Variants in AVEN observed in about 807,000 individuals in gnomAD.
AVEN encodes the protein apoptosis and caspase activation inhibitor.
AVEN carries 41 observed loss-of-function variants against 38.1 expected under a neutral mutation model. That is an observed-to-expected ratio of 1.08 (90% CI 0.84 to 1.40). AVEN has a LOEUF of 1.40. Among genes scored for constraint, AVEN ranks in the 40% most tolerant of loss-of-function variants. The pLI is 0.00. For missense variants in AVEN, 605 were observed against 438.8 expected (o/e 1.38, Z -3.38); for synonymous variants, 206 against 171.8 (o/e 1.20, Z -1.56).
downstream of AVEN, among the ~76,000 whole-genome samples, chr15:33,863,735 C>G (rs1458247477): frequency 1.3e-5 from 2 of 152,200 alleles, no homozygotes; most frequent in Non-Finnish European, 2.9e-5. Context: ...TCTTGAGACA[C>G]ACACATAATT....
At chr15:33,862,171 C>A (rs755920643), downstream of AVEN, among the ~76,000 whole-genome samples, 5 of 151,682 alleles carry the variant, frequency 3.3e-5, no homozygotes, top group Non-Finnish European at 7.4e-5. Context: ...TGCTCCCCAG[C>A]CTAGCTCTTC....
chr15:34,036,509 C>T (rs948773448), intron 1 of AVEN, among the ~76,000 whole-genome samples: 1 of 152,104 alleles, frequency 6.6e-6, no homozygotes, highest in Admixed American at 6.6e-5. Context: ...AACAAGAAGG[C>T]TTCAGGAAAG....
intron 1 of AVEN, among the ~76,000 whole-genome samples, chr15:34,036,718 C>A (rs1597377084): frequency 6.6e-6 from 1 of 152,308 alleles, no homozygotes; most frequent in East Asian, 1.9e-4. Flanking sequence ...ATAAGACCAA[C>A]TCGACAAAAG....
chr15:34,058,397 C>A (rs905336715), intron 5 of AVEN, among the ~76,000 whole-genome samples: 29 of 152,026 alleles, frequency 1.9e-4, no homozygotes, highest in Admixed American at 1.8e-3. Flanking sequence ...GAATAAAAAT[C>A]AAAATGGAGC....
chr15:33,944,106 T>A (rs1303529023), intron 2 of AVEN, among the ~76,000 whole-genome samples: 1 of 152,140 alleles, frequency 6.6e-6, no homozygotes, highest in Non-Finnish European at 1.5e-5. Context: ...GATAGTACTA[T>A]ATTTTCCCAA....
At chr15:33,862,905 T>C (rs1597129403), downstream of AVEN, among the ~76,000 whole-genome samples, 1 of 152,210 alleles carries the variant, frequency 6.6e-6, no homozygotes, top group African/African-American at 2.4e-5. Context: ...GCGTGAGCCA[T>C]CACACCCGGC....
the AVEN span, chr15:33,852,955 C>T: frequency 8.9e-7 from 1 of 1,121,904 alleles, no homozygotes; most frequent in Non-Finnish European, 1.3e-6. Context: ...AGAAAGATCC[C>T]AGATCCAGGC....
At chr15:34,059,882 C>T (rs1418610412) in intron 5 of AVEN, among the ~76,000 whole-genome samples, 2 of 152,194 alleles carry the variant, frequency 1.3e-5, no homozygotes, top group Non-Finnish European at 2.9e-5. Flanking sequence ...TTTACATTCC[C>T]AACTAGTGTC....
At chr15:33,916,836 A>C (rs941382926) in intron 2 of AVEN, among the ~76,000 whole-genome samples, 9 of 152,132 alleles carry the variant, frequency 5.9e-5, no homozygotes, top group Non-Finnish European at 1.2e-4. Flanking sequence ...AAGAGGTTTA[A>C]TTGACTCACA....
At position 34,017,483 on chromosome 15, in the gene AVEN, T is replaced by G. The variant is rs11072872; in HGVS notation, c.268-14274A>C. ...AGTGATTTCAGTATGATTTTTTTTTTGTTTTTTTTTTTTTTTTGAGACAGG... is the reference window on the plus strand; with the variant it reads ...AGTGATTTCAGTATGATTTTTTTTTGGTTTTTTTTTTTTTTTTGAGACAGG... On this transcript the variant is annotated intron_variant, in intron 1 of 5. Transcript: ENST00000306730. 5.5e-3 allele frequency among the ~76,000 whole-genome samples: 248 copies of G among 44,900 alleles called. 4 individuals carry two copies. Among genetic ancestry groups the G allele is most frequent in the East Asian group, 0.01 (8 of 790 alleles). 29.5% of individuals were successfully genotyped at this position (44,900 alleles called of 152,430 possible).
At chr15:33,968,513 C>G (rs1159004556) in intron 2 of AVEN, among the ~76,000 whole-genome samples, 2 of 152,228 alleles carry the variant, frequency 1.3e-5, no homozygotes, top group South Asian at 4.1e-4. Flanking sequence ...GCCAAGTACG[C>G]TCACCGTCCA....
At chr15:34,036,412 A>G (rs1899127247) in intron 1 of AVEN, among the ~76,000 whole-genome samples, 2 of 152,184 alleles carry the variant, frequency 1.3e-5, no homozygotes. Context: ...TGGTCTTTAC[A>G]TGGCTAGGAG....
intron 1 of AVEN, among the ~76,000 whole-genome samples, chr15:34,030,836 T>C (rs1209070877): frequency 6.6e-6 from 1 of 151,998 alleles, no homozygotes; most frequent in Non-Finnish European, 1.5e-5. Flanking sequence ...CAGGCTGGTC[T>C]TGAACTCCTG....
intron 2 of AVEN, among the ~76,000 whole-genome samples, chr15:33,959,926 T>C (rs1895100226): frequency 6.6e-6 from 1 of 151,932 alleles, no homozygotes; most frequent in African/African-American, 2.4e-5. Context: ...TAACCAAAAA[T>C]CAAAAACATC....
intron 2 of AVEN, among the ~76,000 whole-genome samples, chr15:33,948,598 G>A (rs1194094376): frequency 1.3e-5 from 2 of 152,100 alleles, no homozygotes; most frequent in South Asian, 2.1e-4. Flanking sequence ...TGTCACTCAC[G>A]AACACTACAG....
chr15:34,013,819 A>G (rs2140675517), intron 1 of AVEN, among the ~76,000 whole-genome samples: 1 of 152,300 alleles, frequency 6.6e-6, no homozygotes, highest in South Asian at 2.1e-4. Flanking sequence ...TCACAGGCTG[A>G]GGGAAGAGTA....
intron 2 of AVEN, among the ~76,000 whole-genome samples, chr15:33,979,056 G>A (rs974780943): frequency 2.0e-5 from 3 of 152,124 alleles, no homozygotes; most frequent in African/African-American, 7.2e-5. Context: ...TGACATACTT[G>A]AGAATATTCC....
At chr15:33,981,223 C>A (rs188738340) in intron 2 of AVEN, among the ~76,000 whole-genome samples, 1 of 152,104 alleles carries the variant, frequency 6.6e-6, no homozygotes, top group African/African-American at 2.4e-5. Context: ...AAATATGAAG[C>A]GGATGAATTT....
Position 34,038,762 on chromosome 15 carries a change from C to A in AVEN, c.267+18G>T. 8.6e-7 allele frequency: 1 copy of A among 1,163,756 alleles called. No homozygotes were observed. The highest frequency in any genetic ancestry group is 4.0e-5 in the South Asian group (1 of 24,956). 72.1% of individuals were successfully genotyped at this position (1,163,756 alleles called of 1,614,324 possible). ...CCAGTTACACGCGGTCCCAGCCCCA[C>A]CAGCCGTCGCCTCTTACCGGCGCGC... On this transcript the variant is annotated intron_variant, in intron 1 of 5. Coordinates refer to ENST00000306730, the MANE Select transcript of AVEN (RefSeq NM_020371.3).
Sources: allele counts gnomAD v4.1 joint callset (sites outside exome capture counted in the v4.1 genomes callset), GRCh38; gene constraint gnomAD v4.1.1; transcripts MANE v1.5; gene names NCBI Gene and HGNC (gene_info 2026-07-23, HGNC 2026-07-21).